Variants in RNFT2 observed in about 807,000 individuals in gnomAD.
RNFT2 encodes E3 ubiquitin-protein ligase RNFT2.
In RNFT2, 36 loss-of-function variants were observed where a neutral mutation model predicts 53.0. That is an observed-to-expected ratio of 0.68 (90% CI 0.52 to 0.90). The LOEUF (loss-of-function observed/expected upper bound fraction) is 0.90. Ranked by LOEUF, RNFT2 falls within the 40% of genes least tolerant of loss-of-function variation. The pLI is 0.00. For synonymous variants in RNFT2, 260 were observed against 253.2 expected, an observed-to-expected ratio of 1.03 and a Z score of -0.26; for missense variants, 514 against 585.6, an observed-to-expected ratio of 0.88 and a Z score of 1.26.
chr12:116,852,764 CTT>C lies in RNFT2; in HGVS notation c.*3318_*3319del, dbSNP rs1555211336. 1.3e-6 allele frequency: 2 copies of C among 1,577,390 alleles called. No individual in the cohort carries two copies. Among genetic ancestry groups the C allele is most frequent in the African/African-American group, 1.3e-5 (1 of 74,296 alleles). On this transcript the variant is annotated 3_prime_UTR_variant, in exon 11 of 11. Coordinates refer to ENST00000257575, the MANE Select transcript of RNFT2 (RefSeq NM_001382266.1). Reference sequence around the variant, plus strand: ...AGACCTGGAATTCTGATTCCAAACTCTTTATTACTTTGGGAAGTCACTCAGCC... The same window carrying C: ...AGACCTGGAATTCTGATTCCAAACTCTATTACTTTGGGAAGTCACTCAGCC...
Position 116,838,844 on chromosome 12 carries a change from T to C in RNFT2, c.1200+2562T>C, listed in dbSNP as rs144676241. On this transcript the variant is annotated intron_variant, in intron 10 of 10. Coordinates refer to ENST00000257575, the MANE Select transcript of RNFT2 (RefSeq NM_001382266.1). ...TGGGAGGAGTCAGACAAGACACCCA[T>C]TGTCCCAGATCTAGGAGTAACAGCT... Among the ~76,000 whole-genome samples the C allele has an allele frequency of 1.6e-3, 237 of 152,318 alleles. 1 individual carries two copies. The highest frequency in any genetic ancestry group is 5.1e-3 in the African/African-American group (213 of 41,566).
chr12:116,793,429 C>T (rs752119590), intron 7 of RNFT2, among the ~76,000 whole-genome samples: 12 of 152,084 alleles, frequency 7.9e-5, no homozygotes, highest in Non-Finnish European at 1.6e-4. Context: ...CTCAAGTGCT[C>T]CTCCCACCTC....
At chr12:116,837,749 A>C (rs1362859536) in intron 10 of RNFT2, among the ~76,000 whole-genome samples, 3 of 152,196 alleles carry the variant, frequency 2.0e-5, no homozygotes, top group South Asian at 4.1e-4. Context: ...TAGAGTCTGG[A>C]GTTGAGTTAA....
At position 116,829,175 on chromosome 12, in the gene RNFT2, A is replaced by G. The variant is rs77512392; in HGVS notation, c.883-4617A>G. Among the ~76,000 whole-genome samples the G allele has an allele frequency of 4.6e-4, 70 of 152,224 alleles. 1 individual carries two copies. In the East Asian group the frequency reaches 0.013, roughly 29 times the overall value. On this transcript the variant is annotated intron_variant, in intron 7 of 10. Transcript: ENST00000257575. ...GGGTGGTTCAGGGAATGAAAGTTCA[A>G]ATCATGGATATTCTGCAGATCTTGG...
At chr12:116,752,232 C>T (rs1872285764) in intron 4 of RNFT2, among the ~76,000 whole-genome samples, 1 of 151,510 alleles carries the variant, frequency 6.6e-6, no homozygotes, top group Non-Finnish European at 1.5e-5. Context: ...GAGATGAGAC[C>T]ATTCTTTATT....
At chr12:116,754,640 C>T (rs940353761) in intron 5 of RNFT2, among the ~76,000 whole-genome samples, 12 of 152,190 alleles carry the variant, frequency 7.9e-5, no homozygotes, top group Admixed American at 7.9e-4. Flanking sequence ...CGCATTCACA[C>T]TAGCATCTAT....
At chr12:116,807,765 C>T (rs1366485320) in intron 7 of RNFT2, among the ~76,000 whole-genome samples, 1 of 152,090 alleles carries the variant, frequency 6.6e-6, no homozygotes, top group Non-Finnish European at 1.5e-5. Flanking sequence ...CTGGTACCCT[C>T]CTTTTCTGTC....
At chr12:116,739,448 C>T (rs539063339) in intron 1 of RNFT2, among the ~76,000 whole-genome samples, 32 of 152,294 alleles carry the variant, frequency 2.1e-4, no homozygotes, top group African/African-American at 7.7e-4. Flanking sequence ...CATTTATATT[C>T]TAATGGGGAG....
intron 7 of RNFT2, among the ~76,000 whole-genome samples, chr12:116,786,059 G>T (rs1873921711): frequency 6.6e-6 from 1 of 151,842 alleles, no homozygotes; most frequent in African/African-American, 2.4e-5. Context: ...GTATTCTTCT[G>T]ACATAGGTGC....
intron 6 of RNFT2, among the ~76,000 whole-genome samples, chr12:116,767,480 A>G (rs1872970205): frequency 6.6e-6 from 1 of 152,078 alleles, no homozygotes. Context: ...TGGCCTCCCA[A>G]AGTGCTGGGA....
At position 116,852,393 on chromosome 12, in the gene RNFT2, C is replaced by T; in HGVS notation, c.*2945C>T. ...AACCAGGACTTTCCCCTTGGCTTGGCATCCCTGGCTCTCTCCTGGTACCCA... is the reference window on the plus strand; with the variant it reads ...AACCAGGACTTTCCCCTTGGCTTGGTATCCCTGGCTCTCTCCTGGTACCCA... On this transcript the variant is annotated 3_prime_UTR_variant, in exon 11 of 11. Coordinates refer to ENST00000257575, the MANE Select transcript of RNFT2 (RefSeq NM_001382266.1). 8.3e-7 allele frequency: 1 copy of T among 1,200,916 alleles called. No homozygotes were observed. The highest frequency in any genetic ancestry group is 1.5e-5 in the African/African-American group (1 of 67,066). The allele number at this position is 1,200,916 out of a possible 1,614,324, so 74.4% of individuals were successfully genotyped here. A position where few individuals can be genotyped will look rare whatever the true frequency, so the allele number is the denominator to read the frequency against.
chr12:116,795,972 A>G (rs1874487108), intron 7 of RNFT2, among the ~76,000 whole-genome samples: 1 of 151,960 alleles, frequency 6.6e-6, no homozygotes, highest in Non-Finnish European at 1.5e-5. Context: ...GCAGTGGTGC[A>G]ATCTCGGCTC....
At chr12:116,833,190 A>G (rs1876772325) in intron 7 of RNFT2, among the ~76,000 whole-genome samples, 1 of 152,128 alleles carries the variant, frequency 6.6e-6, no homozygotes, top group Admixed American at 6.6e-5. Context: ...AAGTGCTGGG[A>G]TTACAGGCAT....
intron 7 of RNFT2, among the ~76,000 whole-genome samples, chr12:116,792,237 A>G (rs901213716): frequency 7.2e-5 from 11 of 152,026 alleles, no homozygotes; most frequent in Admixed American, 7.2e-4. Flanking sequence ...TTTAGTAGAG[A>G]CGGGGTTTCA....
chr12:116,849,511 G>C lies in RNFT2; in HGVS notation c.*63G>C. ...TCAGCATGCCCGGACCCAGCCCTGC[G>C]GGGGCTTCCTGAGAAACAGGCCTCA... is the stretch of plus-strand genomic sequence containing the variant. On this transcript the variant is annotated 3_prime_UTR_variant, in exon 11 of 11. Transcript: ENST00000257575. 6.6e-7 allele frequency: 1 copy of C among 1,504,890 alleles called. No homozygotes were observed. Among genetic ancestry groups the C allele is most frequent in the Non-Finnish European group, 8.9e-7 (1 of 1,124,238 alleles). The allele number at this position is 1,504,890 out of a possible 1,614,324, so 93.2% of individuals were successfully genotyped here. A position where few individuals can be genotyped will look rare whatever the true frequency, so the allele number is the denominator to read the frequency against.
At chr12:116,785,973 G>C (rs1228064956) in intron 7 of RNFT2, among the ~76,000 whole-genome samples, 2 of 152,072 alleles carry the variant, frequency 1.3e-5, no homozygotes, top group Non-Finnish European at 2.9e-5. Context: ...GATTGCTTGA[G>C]CCCAGGAGGC....
chr12:116,843,943 A>G (rs1298388779), intron 10 of RNFT2, among the ~76,000 whole-genome samples: 1 of 152,162 alleles, frequency 6.6e-6, no homozygotes, highest in Non-Finnish European at 1.5e-5. Flanking sequence ...CGATAACAAC[A>G]TGGCTGCCCT....
intron 3 of RNFT2, 48 bp from the exon 4 acceptor site, chr12:116,749,793 T>G (rs1185047546): frequency 2.6e-6 from 4 of 1,518,500 alleles, no homozygotes; most frequent in Non-Finnish European, 3.6e-6. Context: ...GAGTAAGGTC[T>G]TTTCCATCTG....
At chr12:116,751,303 C>G (rs1173020776) in intron 4 of RNFT2, among the ~76,000 whole-genome samples, 1 of 152,024 alleles carries the variant, frequency 6.6e-6, no homozygotes, top group Non-Finnish European at 1.5e-5. Context: ...ATAAATACTA[C>G]CTATTGTTAT....
Sources: gnomAD v4.1 joint callset for allele counts (sites outside exome capture counted in the v4.1 genomes callset) on GRCh38, gnomAD v4.1.1 for gene constraint, MANE v1.5 for transcripts, NCBI Gene and HGNC (gene_info 2026-07-23, HGNC 2026-07-21) for gene names.